SIPA1L3: variants seen among roughly 807,000 people sequenced by gnomAD.
The protein encoded by SIPA1L3 is signal induced proliferation associated 1 like 3, also known as signal-induced proliferation-associated 1-like protein 3.
In SIPA1L3, 59 loss-of-function variants were observed where a neutral mutation model predicts 150.1. The ratio of observed to expected loss-of-function variants is 0.39; its 90% CI spans 0.32 to 0.49. The LOEUF is 0.49. Ranked by LOEUF, SIPA1L3 falls within the 20% of genes least tolerant of loss-of-function variation. The pLI is 0.86. For synonymous variants in SIPA1L3, 1,070 were observed against 1,077.6 expected, an observed-to-expected ratio of 0.99 and a Z score of 0.14; for missense variants, 2,211 against 2,489.5, an observed-to-expected ratio of 0.89 and a Z score of 2.38.
chr19:37,965,124 T>TTA (rs1463547244), intron 1 of SIPA1L3, among the ~76,000 whole-genome samples: 2 of 152,204 alleles, frequency 1.3e-5, no homozygotes, highest in African/African-American at 2.4e-5. Flanking sequence ...CATGGATAGT[T>TTA]TATAAAGAAT....
At position 38,082,615 on chromosome 19, in the gene SIPA1L3, C is replaced by G. The variant is rs1970025496; in HGVS notation, c.1050C>G (p.Phe350Leu). ...ACTTCGACGTGCAGAGCATGCTGTT[C>G]GACCTCAACGAGGCGGCCGCCAACA... is the stretch of plus-strand genomic sequence containing the variant. ...FAHFDVQSMLFDLNEAAANRV... is the reference protein window; with the variant it reads ...FAHFDVQSMLLDLNEAAANRV... Residue 350 changes from phenylalanine to leucine, a missense_variant, in exon 3 of 22, where the codon TTC (phenylalanine) becomes TTG (leucine). By Grantham distance (22) the Phe-to-Leu change is conservative. This residue lies in a region of SIPA1L3 where 587 missense variants were observed against 534.5 expected (regional missense o/e 1.10). Coordinates refer to ENST00000222345, the MANE Select transcript of SIPA1L3 (RefSeq NM_015073.3). The G allele has an allele frequency of 6.2e-7, 1 of 1,604,486 alleles. No individual in the cohort carries two copies. The highest frequency in any genetic ancestry group is 8.5e-7 in the Non-Finnish European group (1 of 1,179,760).
At chr19:38,204,015 C>A in intron 20 of SIPA1L3, 112 bp from the exon 21 acceptor site, 1 of 799,714 alleles carries the variant, frequency 1.3e-6, no homozygotes. Context: ...TCAGGCTTTG[C>A]TAGAATGTCA....
intron 1 of SIPA1L3, among the ~76,000 whole-genome samples, chr19:37,988,998 A>C (rs1273644301): frequency 2.0e-5 from 3 of 151,942 alleles, no homozygotes; most frequent in Non-Finnish European, 2.9e-5. Context: ...CCAAACAAAA[A>C]CAGATTCCTC....
In SIPA1L3 at chr19:38,164,767, G is replaced by A. The variant is rs113035684; in HGVS notation, c.4069G>A (p.Ala1357Thr). ...GREAAGRSHH[A>T]DRRREVSPAP... is the part of the protein sequence containing the mutation. ...CGAGGCCGCTGGGAGGTCCCACCACGCAGACAGGCGGCGGGAGGTCTCCCC... is the reference window on the plus strand; with the variant it reads ...CGAGGCCGCTGGGAGGTCCCACCACACAGACAGGCGGCGGGAGGTCTCCCC... Residue 1357 changes from alanine (A) to threonine (T), a missense_variant, in exon 15 of 22, where the codon GCA becomes ACA. Ala to Thr is a moderately conservative substitution (Grantham distance 58). Coordinates refer to ENST00000222345, the MANE Select transcript of SIPA1L3 (RefSeq NM_015073.3). This position sits in a 1 kb window ranked among gnomAD's most constrained non-coding sequence, Gnocchi z 4.1. 8.7e-6 allele frequency: 14 copies of A among 1,612,576 alleles called. No homozygotes were observed. Among genetic ancestry groups the A allele is most frequent in the African/African-American group, 5.3e-5 (4 of 74,906 alleles).
intron 1 of SIPA1L3, among the ~76,000 whole-genome samples, chr19:37,975,284 A>T (rs1035014898): frequency 6.6e-6 from 1 of 152,224 alleles, no homozygotes; most frequent in Non-Finnish European, 1.5e-5. Flanking sequence ...CCCGGGGACC[A>T]GGAAGGAGGA....
chr19:38,192,010 C>G, intron 16 of SIPA1L3, 135 bp from the exon 17 acceptor site: 3 of 737,056 alleles, frequency 4.1e-6, no homozygotes, highest in Non-Finnish European at 6.5e-6. Flanking sequence ...CCCTCTCTGC[C>G]ACGCGTTTGC....
intron 2 of SIPA1L3, among the ~76,000 whole-genome samples, chr19:38,052,086 T>G (rs1208396307): frequency 6.6e-6 from 1 of 152,202 alleles, no homozygotes; most frequent in Non-Finnish European, 1.5e-5. Flanking sequence ...TTTGGGGAGC[T>G]TTAAACTGCA....
rs147379178 is a variant in SIPA1L3 at position 38,003,978 on chromosome 19, G to A, written c.-378-25111G>A. On this transcript the variant is annotated intron_variant, in intron 1 of 21. Transcript: ENST00000222345. Reference sequence around the variant, plus strand: ...TGTTCTCTGGGACTGTTTGTGAGGAGGGGACTTGTTGACCTGAACAAAGGA... The same window carrying A: ...TGTTCTCTGGGACTGTTTGTGAGGAAGGGACTTGTTGACCTGAACAAAGGA... Among the ~76,000 whole-genome samples the A allele has an allele frequency of 9.7e-4, 148 of 152,052 alleles. 2 individuals carry two copies. In the East Asian group the frequency reaches 0.019, roughly 20 times the overall value.
chr19:38,132,292 G>A (rs544784524), intron 10 of SIPA1L3, among the ~76,000 whole-genome samples: 1 of 151,346 alleles, frequency 6.6e-6, no homozygotes, highest in East Asian at 2.0e-4. Context: ...GGGTGTGGTG[G>A]CTCACACCTG....
At chr19:37,963,001 ATAAC>A (rs1472703322) in intron 1 of SIPA1L3, among the ~76,000 whole-genome samples, 2 of 152,122 alleles carry the variant, frequency 1.3e-5, no homozygotes, top group African/African-American at 4.8e-5. Flanking sequence ...AATTTTAAGC[ATAAC>A]TTACTAGGGG....
At chr19:38,037,276 G>A (rs191293771) in intron 2 of SIPA1L3, among the ~76,000 whole-genome samples, 11 of 152,192 alleles carry the variant, frequency 7.2e-5, no homozygotes, top group Admixed American at 5.2e-4. Context: ...GTCAGGGAAC[G>A]TCTGTCATAA....
chr19:37,918,703 C>G (rs1057249694), intron 1 of SIPA1L3, among the ~76,000 whole-genome samples: 2 of 151,650 alleles, frequency 1.3e-5, no homozygotes, highest in South Asian at 4.2e-4. Flanking sequence ...AATCCCATCT[C>G]TACTAAAAAT....
chr19:37,919,480 C>T (rs2046439919), intron 1 of SIPA1L3, among the ~76,000 whole-genome samples: 1 of 152,178 alleles, frequency 6.6e-6, no homozygotes, highest in African/African-American at 2.4e-5. Flanking sequence ...GTTCAAGTCA[C>T]AGAGCTGGTG....
chr19:38,200,071 A>T (rs1973050679), intron 19 of SIPA1L3: 1 of 152,008 alleles, frequency 6.6e-6, no homozygotes, highest in Middle Eastern at 3.2e-3. Flanking sequence ...ACTACAAAAA[A>T]ATTTATTTTA....
rs1568573490 is a variant in SIPA1L3 at position 38,142,664 on chromosome 19, AC to A, written c.3492del (p.Gly1165ValfsTer6). The A allele has an allele frequency of 1.2e-6, 2 of 1,613,526 alleles. No individual in the cohort carries two copies. Among genetic ancestry groups the A allele is most frequent in the Non-Finnish European group, 1.7e-6 (2 of 1,179,840 alleles). On this transcript the variant is annotated frameshift_variant, in exon 12 of 22. Coordinates refer to ENST00000222345, the MANE Select transcript of SIPA1L3 (RefSeq NM_015073.3). LOFTEE classifies it high-confidence loss of function. ...CCGACAGCCTTCTGGGAGCTTCTCCACCCCCGGTTCGGCCACCTACGTGAGA... is the reference window on the plus strand; with the variant it reads ...CCGACAGCCTTCTGGGAGCTTCTCCACCCCGGTTCGGCCACCTACGTGAGA... ...PYRQPSGSFS[T>X]PGSATYVRYK...
chr19:38,049,447 TG>T (rs1322730714), intron 2 of SIPA1L3, among the ~76,000 whole-genome samples: 1 of 152,198 alleles, frequency 6.6e-6, no homozygotes, highest in Non-Finnish European at 1.5e-5. Context: ...GTCTGGCAGC[TG>T]AACAGTTGTA....
intron 1 of SIPA1L3, among the ~76,000 whole-genome samples, chr19:37,958,395 C>T (rs928926438): frequency 3.9e-5 from 6 of 152,186 alleles, no homozygotes; most frequent in Admixed American, 6.5e-5. Context: ...CACCACACTC[C>T]AGCCTGGGCA....
chr19:38,169,620 T>C (rs571012278), intron 15 of SIPA1L3, among the ~76,000 whole-genome samples: 1 of 152,348 alleles, frequency 6.6e-6, no homozygotes, highest in East Asian at 1.9e-4. Context: ...GAAGACTGCC[T>C]GTCAGAATCA....
chr19:38,118,634 CGCCGTTCTCCTGTCTCA>C (rs2145893319), intron 8 of SIPA1L3, among the ~76,000 whole-genome samples: 1 of 151,770 alleles, frequency 6.6e-6, no homozygotes, highest in East Asian at 2.0e-4. Context: ...CCCAGGTTCA[CGCCGTTCTCCTGTCTCA>C]GCCTCCCAAG....
Sources: allele counts gnomAD v4.1 joint callset (sites outside exome capture counted in the v4.1 genomes callset), GRCh38; gene constraint gnomAD v4.1.1; regional missense constraint gnomAD v4.1.1; non-coding constraint Gnocchi (gnomAD v3.1); transcripts MANE v1.5; gene names NCBI Gene and HGNC (gene_info 2026-07-23, HGNC 2026-07-21).